TNRC18: variants seen among roughly 807,000 people sequenced by gnomAD.
TNRC18 encodes trinucleotide repeat-containing gene 18 protein.
TNRC18 carries 69 observed loss-of-function variants against 226.7 expected under a neutral mutation model. That is an observed-to-expected ratio of 0.30 (90% CI 0.25 to 0.37). The LOEUF (loss-of-function observed/expected upper bound fraction) is 0.37, where lower values mean the gene tolerates loss of function less well. Among genes scored for constraint, TNRC18 ranks in the 10% least tolerant of loss-of-function variants. The probability of loss-of-function intolerance (pLI) is 1.00; values close to 1 mark genes in which losing one functional copy is unlikely to be tolerated. For synonymous variants in TNRC18, 2,449 were observed against 1,927.6 expected (o/e 1.27, Z -7.09); for missense variants, 4,754 against 4,256.6 (o/e 1.12, Z -3.25).
Position 5,315,975 on chromosome 7 carries a change from G to A in TNRC18, c.6843C>T (p.Pro2281=), listed in dbSNP as rs1378266826. The A allele has an allele frequency of 1.3e-6, 2 of 1,597,196 alleles. No homozygotes were observed. The highest frequency in any genetic ancestry group is 1.7e-5 in the Admixed American group (1 of 57,442). The change falls in exon 25 of 30, where the codon CCC becomes CCT. Residue 2281 remains proline (P), a synonymous_variant. Transcript: ENST00000430969. Reference sequence around the variant, plus strand: ...ACTTACACTGTATCTTATAGTCAGGGGGCAGGAGGCGGATATGTGAGAGGG... The same window carrying A: ...ACTTACACTGTATCTTATAGTCAGGAGGCAGGAGGCGGATATGTGAGAGGG... The part of the protein sequence containing the change: ...RIPLSHIRLL[P]PDYKIQCAEP...
chr7:5,377,057 G>A lies in TNRC18; in HGVS notation c.2462-64C>T. On this transcript the variant is annotated intron_variant, in intron 7 of 29. Coordinates refer to ENST00000430969, the MANE Select transcript of TNRC18 (RefSeq NM_001080495.3). The surrounding 1 kb of genome is among the most constrained non-coding windows in gnomAD (Gnocchi z 5.8). ...CCCCCAAGCGGTTTGTCCTCGGGCA[G>A]CCCCAGCCCAGCACCACCTCCCAAG... 8 of 1,528,862 alleles carry A rather than the reference G, an allele frequency of 5.2e-6. No individual in the cohort carries two copies. Among genetic ancestry groups the A allele is most frequent in the Non-Finnish European group, 7.0e-6 (8 of 1,140,534 alleles). The allele number at this position is 1,528,862 out of a possible 1,614,324, so 94.7% of individuals were successfully genotyped here. A position where few individuals can be genotyped will look rare whatever the true frequency, so the allele number is the denominator to read the frequency against.
At chr7:5,416,539 G>A (rs1490075893) in intron 2 of TNRC18, among the ~76,000 whole-genome samples, 1 of 151,758 alleles carries the variant, frequency 6.6e-6, no homozygotes. Context: ...GGACAACATA[G>A]GGAGACCCTG....
intron 16 of TNRC18, among the ~76,000 whole-genome samples, chr7:5,353,576 A>AG (rs1267142967): frequency 2.0e-5 from 3 of 150,654 alleles, no homozygotes; most frequent in Non-Finnish European, 3.0e-5. Flanking sequence ...AAAAAAAAAA[A>AG]AAAAACCCAC....
At chr7:5,406,115 A>G (rs1430274744) in intron 2 of TNRC18, among the ~76,000 whole-genome samples, 3 of 152,224 alleles carry the variant, frequency 2.0e-5, no homozygotes, top group Non-Finnish European at 2.9e-5. Context: ...ACATTCCACA[A>G]CAACGTGGAT....
intron 14 of TNRC18, 56 bp downstream of exon 14, chr7:5,361,538 G>A: frequency 7.0e-7 from 1 of 1,437,724 alleles, no homozygotes; most frequent in South Asian, 1.5e-5. Context: ...GTGGGGCCCG[G>A]GCTCCTCCCC....
intron 22 of TNRC18, among the ~76,000 whole-genome samples, 188 bp downstream of exon 22, chr7:5,320,885 G>A (rs1036997468): frequency 6.6e-6 from 1 of 152,206 alleles, no homozygotes; most frequent in African/African-American, 2.4e-5. Context: ...CCCCTGGGAG[G>A]GTTCACCCAG....
intron 2 of TNRC18, among the ~76,000 whole-genome samples, chr7:5,410,310 C>CAAAAAAAAAAAAAAAAA (rs1157425008): frequency 1.5e-5 from 1 of 66,218 alleles, no homozygotes; most frequent in Non-Finnish European, 3.6e-5. Flanking sequence ...GACTCTGTCT[C>CAAAAAAAAAAAAAAAAA]AAAAAAAAAA....
At chr7:5,414,940 C>G (rs754358263) in intron 2 of TNRC18, among the ~76,000 whole-genome samples, 1 of 152,226 alleles carries the variant, frequency 6.6e-6, no homozygotes, top group Non-Finnish European at 1.5e-5. Context: ...TTTTTCCAGT[C>G]TCTTTTAATC....
chr7:5,366,013 G>A (rs1287223465), intron 11 of TNRC18, among the ~76,000 whole-genome samples: 1 of 152,168 alleles, frequency 6.6e-6, no homozygotes, highest in Non-Finnish European at 1.5e-5. Flanking sequence ...GGAGACTGCG[G>A]TGAGCCGAAA....
At chr7:5,355,509 C>G (rs753615471) in intron 16 of TNRC18, among the ~76,000 whole-genome samples, 1 of 152,154 alleles carries the variant, frequency 6.6e-6, no homozygotes, top group African/African-American at 2.4e-5. Flanking sequence ...CCCAGCTATT[C>G]GGGAGGCTAA....
chr7:5,384,637 C>T (rs1382711786), intron 5 of TNRC18, among the ~76,000 whole-genome samples: 1 of 152,160 alleles, frequency 6.6e-6, no homozygotes, highest in African/African-American at 2.4e-5. Flanking sequence ...CCCCATGTGA[C>T]GGGAGGATCC....
intron 11 of TNRC18, among the ~76,000 whole-genome samples, chr7:5,364,008 T>C (rs187670518): frequency 4.0e-5 from 6 of 151,700 alleles, no homozygotes; most frequent in African/African-American, 1.5e-4. Flanking sequence ...CTTTAAAATA[T>C]AAAAATAAGC....
chr7:5,307,991 C>G lies in TNRC18; in HGVS notation c.*115G>C, dbSNP rs955630509. The G allele has an allele frequency of 3.1e-6, 3 of 972,132 alleles. No individual in the cohort carries two copies. Among genetic ancestry groups the G allele is most frequent in the South Asian group, 3.2e-5 (2 of 62,992 alleles). 60.2% of individuals were successfully genotyped at this position (972,132 alleles called of 1,614,324 possible). A position where few individuals can be genotyped will look rare whatever the true frequency, so the allele number is the denominator to read the frequency against. ...ACGTGCACACCTGGCCCCATGCACA[C>G]GCCTGCAGGAGCGCTCGCATGCACA... On this transcript the variant is annotated 3_prime_UTR_variant, in exon 30 of 30. Transcript: ENST00000430969.
In TNRC18 at chr7:5,332,706, G is replaced by C. The variant is rs1423501931; in HGVS notation, c.6063C>G (p.Thr2021=). The C allele has an allele frequency of 1.3e-6, 2 of 1,529,246 alleles. No individual in the cohort carries two copies. The highest frequency in any genetic ancestry group is 4.1e-5 in the Admixed American group (2 of 49,160). 94.7% of individuals were successfully genotyped at this position (1,529,246 alleles called of 1,614,324 possible). The change falls in exon 19 of 30, where the codon ACC becomes ACG. Residue 2021 remains threonine, a synonymous_variant. Coordinates refer to ENST00000430969, the MANE Select transcript of TNRC18 (RefSeq NM_001080495.3). ...CGCCCTTGGCGCAGCGGCTGGTCTTGGTGGCGGGCGCGGTGCTGACGGGCG... is the reference window on the plus strand; with the variant it reads ...CGCCCTTGGCGCAGCGGCTGGTCTTCGTGGCGGGCGCGGTGCTGACGGGCG... The part of the protein sequence containing the change: ...APAPVSTAPA[T]KTSRCAKGGP...
Position 5,377,605 on chromosome 7 carries a change from C to T in TNRC18, c.2256-29G>A. On this transcript the variant is annotated intron_variant, in intron 6 of 29. Transcript: ENST00000430969. This position sits in a 1 kb window ranked among gnomAD's most constrained non-coding sequence, Gnocchi z 5.8. Reference sequence around the variant, plus strand: ...GAAGGAGGATCATAGGTGTCAGCGACAGCTCGGACAGCCCAGGGGACGAGA... The same window carrying T: ...GAAGGAGGATCATAGGTGTCAGCGATAGCTCGGACAGCCCAGGGGACGAGA... 1 of 1,546,892 alleles carries T rather than the reference C, an allele frequency of 6.5e-7. No individual in the cohort carries two copies. The highest frequency in any genetic ancestry group is 2.0e-5 in the Admixed American group (1 of 50,880).
In TNRC18 at chr7:5,387,817, A is replaced by C. The variant is rs766186713; in HGVS notation, c.2007T>G (p.Ser669=). The change falls in exon 5 of 30, where the codon TCT becomes TCG. Residue 669 remains serine, a synonymous_variant. Coordinates refer to ENST00000430969, the MANE Select transcript of TNRC18 (RefSeq NM_001080495.3). ...ESAKAFGREG[S]GAQGEAEVRH... is the part of the protein sequence containing the mutation. ...GCACTTCTGCCTCACCCTGGGCACC[A>C]GAGCCCTCGCGCCCGAAAGCTTTGG... The C allele has an allele frequency of 1.9e-6, 3 of 1,607,190 alleles. No individual in the cohort carries two copies. The highest frequency in any genetic ancestry group is 2.7e-5 in the African/African-American group (2 of 74,900).
At chr7:5,420,810 G>A (rs962556470) in intron 2 of TNRC18, 18 of 687,688 alleles carry the variant, frequency 2.6e-5, no homozygotes, top group Admixed American at 6.1e-5. Flanking sequence ...GGTGGCTCGG[G>A]CTACCACACC....
At chr7:5,372,028 G>C (rs1426374018) in intron 10 of TNRC18, among the ~76,000 whole-genome samples, 1 of 151,932 alleles carries the variant, frequency 6.6e-6, no homozygotes, top group Non-Finnish European at 1.5e-5. Context: ...CTCGCGAGCA[G>C]CTGGGACAAG....
At chr7:5,320,215 C>T (rs1788207717) in intron 24 of TNRC18, 103 bp downstream of exon 24, 1 of 883,806 alleles carries the variant, frequency 1.1e-6, no homozygotes, top group Admixed American at 2.1e-5. Context: ...TGTGAGCCCA[C>T]AAGTCTTTAT....
Sources: allele counts gnomAD v4.1 joint callset (sites outside exome capture counted in the v4.1 genomes callset), GRCh38; gene constraint gnomAD v4.1.1; non-coding constraint Gnocchi (gnomAD v3.1); transcripts MANE v1.5; gene names NCBI Gene and HGNC (gene_info 2026-07-23, HGNC 2026-07-21).